The following RBMS1 variants were observed in gnomAD, a reference collection of about 807,000 sequenced individuals.
RBMS1 encodes RNA binding motif single stranded interacting protein 1.
Under a neutral mutation model 62.3 loss-of-function variants are expected in RBMS1, and 17 were observed. The observed-to-expected ratio is 0.27, with a 90% confidence interval of 0.19 to 0.41. The LOEUF (loss-of-function observed/expected upper bound fraction) is 0.41. Among genes scored for constraint, RBMS1 ranks in the 10% least tolerant of loss-of-function variants. The pLI is 1.00. For synonymous variants in RBMS1, 172 were observed against 170.0 expected (o/e 1.01, Z -0.09); for missense variants, 334 against 504.5 (o/e 0.66, Z 3.24).
chr2:160,402,112 CATTAATAAT>C (rs1431051123), intron 1 of RBMS1: 12 of 133,602 alleles, frequency 9.0e-5, no homozygotes. Context: ...TCTGTGGGGA[CATTAATAAT>C]AGCACCTTAG....
chr2:160,419,019 T>A (rs1369939261), intron 1 of RBMS1, among the ~76,000 whole-genome samples: 2 of 152,200 alleles, frequency 1.3e-5, no homozygotes, highest in African/African-American at 4.8e-5. Context: ...GCTTATGACT[T>A]TCAAATACTT....
At chr2:160,303,536 T>C (rs1176090134) in intron 4 of RBMS1, 49 bp from the exon 5 acceptor site, 1 of 1,547,974 alleles carries the variant, frequency 6.5e-7, no homozygotes, top group Non-Finnish European at 8.7e-7. Flanking sequence ...GAAGGTGAGA[T>C]ATTTATGTTA....
In RBMS1 at chr2:160,285,122, T is replaced by TG; in HGVS notation, c.757-79dup. ...AAATTCTATTTTTAGCCAGGTGTGGTGGTGTGCACCTGTAGTCCCAGCTGC... is the reference window on the plus strand; with the variant it reads ...AAATTCTATTTTTAGCCAGGTGTGGTGGGTGTGCACCTGTAGTCCCAGCTGC... On this transcript the variant is annotated intron_variant, in intron 7 of 13. Coordinates refer to ENST00000348849, the MANE Select transcript of RBMS1 (RefSeq NM_016836.4). 4 of 1,403,258 alleles carry TG rather than the reference T, an allele frequency of 2.9e-6. No homozygotes were observed. The Admixed American group carries it at 6.7e-5, about 24-fold the overall frequency. 86.9% of individuals were successfully genotyped at this position (1,403,258 alleles called of 1,614,324 possible). A position where few individuals can be genotyped will look rare whatever the true frequency, so the allele number is the denominator to read the frequency against.
intron 1 of RBMS1, among the ~76,000 whole-genome samples, chr2:160,478,390 A>C (rs1361613393): frequency 6.6e-6 from 1 of 152,230 alleles, no homozygotes; most frequent in Non-Finnish European, 1.5e-5. Context: ...TCAATCATAC[A>C]ATCCTAAGAA....
chr2:160,444,444 T>C (rs1683554275), intron 1 of RBMS1, among the ~76,000 whole-genome samples: 1 of 152,216 alleles, frequency 6.6e-6, no homozygotes, highest in Non-Finnish European at 1.5e-5. Flanking sequence ...ATAAATGCCA[T>C]ATACTGTTCT....
chr2:160,493,610 C>A lies in RBMS1; in HGVS notation c.-247G>T. On this transcript the variant is annotated 5_prime_UTR_variant, in exon 1 of 14. Coordinates refer to ENST00000348849, the MANE Select transcript of RBMS1 (RefSeq NM_016836.4). ...TCCTCCTCCCAGGCAGAAAGAAAGA[C>A]ACTGCAGAGCGCAGAGGGCACCCCG... The A allele has an allele frequency of 1.7e-6, 1 of 583,524 alleles. No individual in the cohort carries two copies. Among genetic ancestry groups the A allele is most frequent in the Non-Finnish European group, 3.0e-6 (1 of 329,722 alleles). 36.1% of individuals were successfully genotyped at this position (583,524 alleles called of 1,614,324 possible). A position where few individuals can be genotyped will look rare whatever the true frequency, so the allele number is the denominator to read the frequency against.
chr2:160,348,150 T>C lies in RBMS1; in HGVS notation c.251+19066A>G, dbSNP rs373256172. Among the ~76,000 whole-genome samples, 10 of 152,220 alleles carry C rather than the reference T, an allele frequency of 6.6e-5. No homozygotes were observed. In the East Asian group the frequency reaches 1.9e-3, roughly 30 times the overall value. On this transcript the variant is annotated intron_variant, in intron 2 of 13. Coordinates refer to ENST00000348849, the MANE Select transcript of RBMS1 (RefSeq NM_016836.4). ...CATAGTGAGAAAGTAAACCATTATATAAATCCACCCCAAGCCAATACTGGA... is the reference window on the plus strand; with the variant it reads ...CATAGTGAGAAAGTAAACCATTATACAAATCCACCCCAAGCCAATACTGGA...
At chr2:160,421,253 C>G (rs1387060154) in intron 1 of RBMS1, among the ~76,000 whole-genome samples, 1 of 151,896 alleles carries the variant, frequency 6.6e-6, no homozygotes, top group Non-Finnish European at 1.5e-5. Context: ...CCATTAACTC[C>G]TCATTTAACA....
intron 6 of RBMS1, among the ~76,000 whole-genome samples, chr2:160,293,480 C>T (rs1688781873): frequency 6.6e-6 from 1 of 152,184 alleles, no homozygotes; most frequent in Non-Finnish European, 1.5e-5. Flanking sequence ...TCCTCTGTGA[C>T]AAGATGAAGC....
intron 1 of RBMS1, among the ~76,000 whole-genome samples, chr2:160,381,297 T>A (rs1023222044): frequency 6.6e-6 from 1 of 152,118 alleles, no homozygotes; most frequent in Non-Finnish European, 1.5e-5. Flanking sequence ...TAAAAATGGA[T>A]CTATAATATT....
chr2:160,330,631 G>GT (rs1691216381), intron 2 of RBMS1, among the ~76,000 whole-genome samples: 1 of 132,246 alleles, frequency 7.6e-6, no homozygotes, highest in Non-Finnish European at 1.6e-5. Flanking sequence ...TTTTTTTTTT[G>GT]TTTGTTTGCT....
At chr2:160,449,298 T>C in intron 1 of RBMS1, among the ~76,000 whole-genome samples, 1 of 151,644 alleles carries the variant, frequency 6.6e-6, no homozygotes, top group African/African-American at 2.4e-5. Context: ...GGAGCCCCTC[T>C]GCCCGGCCGC....
chr2:160,434,563 C>T (rs185836516), intron 1 of RBMS1, among the ~76,000 whole-genome samples: 2 of 152,002 alleles, frequency 1.3e-5, no homozygotes, highest in African/African-American at 4.8e-5. Flanking sequence ...TTTTCTGTGA[C>T]GATGAAAATA....
intron 1 of RBMS1, among the ~76,000 whole-genome samples, chr2:160,453,662 C>T (rs1354877595): frequency 6.6e-6 from 1 of 152,170 alleles, no homozygotes; most frequent in Non-Finnish European, 1.5e-5. Flanking sequence ...GATCTGCTCT[C>T]TCATTCCCAT....
intron 1 of RBMS1, among the ~76,000 whole-genome samples, chr2:160,395,419 T>G (rs1019679371): frequency 6.6e-6 from 1 of 152,062 alleles, no homozygotes. Context: ...GGTCAGGAGA[T>G]CGAGACCATC....
Position 160,401,665 on chromosome 2 carries a change from A to G in RBMS1, c.76-34274T>C, listed in dbSNP as rs569006545. On this transcript the variant is annotated intron_variant, in intron 1 of 13. Coordinates refer to ENST00000348849, the MANE Select transcript of RBMS1 (RefSeq NM_016836.4). The stretch of plus-strand genomic sequence containing the variant: ...ATCAAATACACAAACAAGACAAAGG[A>G]AAGAATTCAGGAAATAATTGTGCAT... 3.5e-4 allele frequency among the ~76,000 whole-genome samples: 53 copies of G among 152,330 alleles called. No individual in the cohort carries two copies. In the South Asian group the frequency reaches 7.9e-3, roughly 23 times the overall value.
Position 160,474,566 on chromosome 2 carries a change from T to G in RBMS1, c.75+18723A>C, listed in dbSNP as rs1317086327. On this transcript the variant is annotated intron_variant, in intron 1 of 13. Coordinates refer to ENST00000348849, the MANE Select transcript of RBMS1 (RefSeq NM_016836.4). ...CAGTCGTGATGGTTGCCTAATAATG[T>G]GAACGTATTCAACGCCACTGAATTG... is the stretch of plus-strand genomic sequence containing the variant. Among the ~76,000 whole-genome samples, 11 of 152,334 alleles carry G rather than the reference T, an allele frequency of 7.2e-5. No homozygotes were observed. The East Asian group carries it at 1.9e-3, about 27-fold the overall frequency.
intron 1 of RBMS1, among the ~76,000 whole-genome samples, chr2:160,414,760 C>T (rs1295000329): frequency 1.3e-5 from 2 of 151,740 alleles, no homozygotes; most frequent in African/African-American, 4.8e-5. Context: ...AGTTAGCTAG[C>T]CCAACTAACC....
intron 1 of RBMS1, among the ~76,000 whole-genome samples, chr2:160,393,464 C>G (rs757709145): frequency 1.3e-5 from 2 of 152,118 alleles, no homozygotes; most frequent in African/African-American, 2.4e-5. Context: ...GAATGATAAT[C>G]CAAGCTGAAT....
Sources: gnomAD v4.1 joint callset for allele counts (sites outside exome capture counted in the v4.1 genomes callset) on GRCh38, gnomAD v4.1.1 for gene constraint, MANE v1.5 for transcripts, NCBI Gene and HGNC (gene_info 2026-07-23, HGNC 2026-07-21) for gene names.